FAM163A: variants seen among roughly 807,000 people sequenced by gnomAD.
The protein encoded by FAM163A is family with sequence similarity 163 member A, also known as protein FAM163A.
Under a neutral mutation model 12.0 loss-of-function variants are expected in FAM163A, and 7 were observed. That is an observed-to-expected ratio of 0.58 (90% CI 0.33 to 1.10). FAM163A has a LOEUF of 1.10. Among genes scored for constraint, FAM163A ranks in the 50% least tolerant of loss-of-function variants. The probability of loss-of-function intolerance (pLI) is 0.03; values close to 1 mark genes in which losing one functional copy is unlikely to be tolerated. For missense variants in FAM163A, 202 were observed against 218.6 expected (o/e 0.92, Z 0.48); for synonymous variants, 101 against 91.0 (o/e 1.11, Z -0.62).
chr1:179,773,607 G>T (rs941367990), intron 1 of FAM163A, among the ~76,000 whole-genome samples: 3 of 152,232 alleles, frequency 2.0e-5, no homozygotes, highest in Non-Finnish European at 4.4e-5. Context: ...TAGTGTCTCT[G>T]CTGTAAACCT....
At chr1:179,738,259 C>T in the FAM163A span, among the ~76,000 whole-genome samples, 4 of 152,280 alleles carry the variant, frequency 2.6e-5, no homozygotes, top group Non-Finnish European at 4.4e-5. Flanking sequence ...ATGTTCCCAA[C>T]ACAAAGAAAT....
the FAM163A span, among the ~76,000 whole-genome samples, chr1:179,732,880 CAAAAAAAAAAA>C: frequency 5.1e-5 from 2 of 39,132 alleles, no homozygotes; most frequent in African/African-American, 1.0e-4. Context: ...GACTCTGCCT[CAAAAAAAAAAA>C]AAAAAAAAAA....
intron 1 of FAM163A, among the ~76,000 whole-genome samples, chr1:179,764,373 T>G (rs939043940): frequency 6.6e-6 from 1 of 152,138 alleles, no homozygotes; most frequent in Non-Finnish European, 1.5e-5. Context: ...GAGCCATGAT[T>G]GGGGAGTGAA....
intron 1 of FAM163A, among the ~76,000 whole-genome samples, chr1:179,769,639 G>C (rs973570183): frequency 1.3e-5 from 2 of 152,130 alleles, no homozygotes; most frequent in African/African-American, 4.8e-5. Flanking sequence ...ATCCCTGCAG[G>C]CTGCGGGAAC....
intron 1 of FAM163A, among the ~76,000 whole-genome samples, chr1:179,804,356 A>T (rs1348811170): frequency 6.6e-6 from 1 of 152,196 alleles, no homozygotes; most frequent in African/African-American, 2.4e-5. Flanking sequence ...GACAATATCA[A>T]ATGGAAGGGC....
intron 1 of FAM163A, among the ~76,000 whole-genome samples, chr1:179,753,652 T>C (rs1571322232): frequency 6.6e-6 from 1 of 152,188 alleles, no homozygotes; most frequent in African/African-American, 2.4e-5. Context: ...CAGATGTCAA[T>C]AGGTGTGTAT....
At chr1:179,763,006 G>A (rs966340831) in intron 1 of FAM163A, among the ~76,000 whole-genome samples, 2 of 152,154 alleles carry the variant, frequency 1.3e-5, no homozygotes, top group African/African-American at 4.8e-5. Context: ...ATCTCTACAT[G>A]GGAGATACTT....
At chr1:179,777,745 GA>G (rs1425761892) in intron 1 of FAM163A, among the ~76,000 whole-genome samples, 17 of 152,312 alleles carry the variant, frequency 1.1e-4, no homozygotes, top group African/African-American at 4.1e-4. Context: ...TCCCCTTTAA[GA>G]GGATCCTCAG....
At chr1:179,744,267 G>A (rs1331299223) in intron 1 of FAM163A, among the ~76,000 whole-genome samples, 1 of 152,084 alleles carries the variant, frequency 6.6e-6, no homozygotes, top group Non-Finnish European at 1.5e-5. Context: ...CGATTCCAGA[G>A]GGCCCTGCGC....
intron 1 of FAM163A, among the ~76,000 whole-genome samples, chr1:179,776,064 CAT>C (rs1688922273): frequency 6.6e-6 from 1 of 152,140 alleles, no homozygotes. Context: ...ATAGGTGCAT[CAT>C]AGATTCAAAA....
chr1:179,753,892 G>A (rs1236837695), intron 1 of FAM163A, among the ~76,000 whole-genome samples: 1 of 152,128 alleles, frequency 6.6e-6, no homozygotes, highest in African/African-American at 2.4e-5. Context: ...CTAAAAAATA[G>A]GAATAACCAT....
intron 1 of FAM163A, among the ~76,000 whole-genome samples, chr1:179,759,813 C>T (rs1335860015): frequency 5.3e-5 from 8 of 152,076 alleles, no homozygotes; most frequent in Non-Finnish European, 1.0e-4. Flanking sequence ...ATTACAGGCA[C>T]GTGCCACCAC....
intron 1 of FAM163A, among the ~76,000 whole-genome samples, chr1:179,774,049 GTCA>G (rs1688617811): frequency 6.6e-6 from 1 of 152,236 alleles, no homozygotes; most frequent in Non-Finnish European, 1.5e-5. Context: ...ACTCCATCCT[GTCA>G]TCTTTGTCCA....
At chr1:179,794,087 A>G (rs947123553) in intron 1 of FAM163A, among the ~76,000 whole-genome samples, 2 of 152,206 alleles carry the variant, frequency 1.3e-5, no homozygotes, top group African/African-American at 4.8e-5. Context: ...CAGGACTTGC[A>G]CAGGGCAGCG....
At chr1:179,781,193 T>C (rs1689675777) in intron 1 of FAM163A, among the ~76,000 whole-genome samples, 2 of 152,148 alleles carry the variant, frequency 1.3e-5, no homozygotes, top group South Asian at 4.2e-4. Context: ...AGTTTCTTTT[T>C]AGGGTGATGA....
chr1:179,771,831 C>T (rs1293070872), intron 1 of FAM163A, among the ~76,000 whole-genome samples: 1 of 152,008 alleles, frequency 6.6e-6, no homozygotes. Flanking sequence ...GCCCTGGATG[C>T]CGCTGGCCAT....
At chr1:179,791,159 C>A (rs1691437287) in intron 1 of FAM163A, among the ~76,000 whole-genome samples, 1 of 152,062 alleles carries the variant, frequency 6.6e-6, no homozygotes, top group Non-Finnish European at 1.5e-5. Flanking sequence ...ATAATATAAA[C>A]GTCCAAGAGA....
At chr1:179,743,733 G>A (rs958959597) in intron 1 of FAM163A, among the ~76,000 whole-genome samples, 1 of 152,182 alleles carries the variant, frequency 6.6e-6, no homozygotes, top group Non-Finnish European at 1.5e-5. Flanking sequence ...GCCAGACCGC[G>A]GGTGGCGGTG....
intron 1 of FAM163A, chr1:179,803,799 C>T (rs1693529084): frequency 6.6e-6 from 1 of 151,802 alleles, no homozygotes; most frequent in African/African-American, 2.4e-5. Flanking sequence ...AAACTCCTGA[C>T]CTCATGATCC....
Sources: allele counts gnomAD v4.1 joint callset (sites outside exome capture counted in the v4.1 genomes callset), GRCh38; gene constraint gnomAD v4.1.1; transcripts MANE v1.5; gene names NCBI Gene and HGNC (gene_info 2026-07-23, HGNC 2026-07-21).